Variants in CEL observed in about 807,000 individuals in gnomAD.
CEL encodes bile salt-activated lipase.
A neutral mutation model predicts 57.1 loss-of-function variants in CEL; 39 were observed. The observed-to-expected ratio is 0.68, with a 90% CI of 0.53 to 0.89. CEL has a LOEUF of 0.89. Ranked by LOEUF, CEL falls within the 40% of genes least tolerant of loss-of-function variation. CEL has a pLI of 0.00. For missense variants in CEL, 698 were observed against 915.0 expected, an observed-to-expected ratio of 0.76 and a Z score of 3.06; for synonymous variants, 314 against 396.6, an observed-to-expected ratio of 0.79 and a Z score of 2.48.
chr9:133,064,187 T>C (rs1830136855), intron 1 of CEL, among the ~76,000 whole-genome samples: 1 of 152,176 alleles, frequency 6.6e-6, no homozygotes, highest in Admixed American at 6.5e-5. Context: ...TCTAAGATTC[T>C]GGGAGCAGGA....
chr9:133,063,580 A>G (rs1482995143), intron 1 of CEL, among the ~76,000 whole-genome samples: 1 of 152,212 alleles, frequency 6.6e-6, no homozygotes, highest in Non-Finnish European at 1.5e-5. Context: ...CACCACGGGA[A>G]GAGGGAGCTG....
In CEL at chr9:133,066,858, G is replaced by C. The variant is rs1188123189; in HGVS notation, c.690G>C (p.Lys230Asn). ...CGTAGACCCTCTCCCCCTACAACAA[G>C]GGCCTCATCCGGCGAGCCATCAGCC... ...VSLQTLSPYN[K>N]GLIRRAISQS... The change falls in exon 6 of 11, where the codon AAG (lysine) becomes AAC (asparagine). Residue 230 changes from lysine to asparagine, a missense_variant. Around this residue, in one of 6 missense-constraint regions of CEL, gnomAD observed 327 missense variants for 374.1 expected, o/e 0.87. Coordinates refer to ENST00000372080, the MANE Select transcript of CEL (RefSeq NM_001807.6). This position sits in a 1 kb window ranked among gnomAD's most constrained non-coding sequence, Gnocchi z 4.3. 1.2e-6 allele frequency: 2 copies of C among 1,613,036 alleles called. No individual in the cohort carries two copies. Among genetic ancestry groups the C allele is most frequent in the Admixed American group, 3.3e-5 (2 of 59,930 alleles).
In CEL at chr9:133,071,691, ACT is replaced by A. The variant is rs755307495; in HGVS notation, c.2192_2193del (p.Ser731Ter). On this transcript the variant is annotated frameshift_variant, in exon 11 of 11. Coordinates refer to ENST00000372080, the MANE Select transcript of CEL (RefSeq NM_001807.6). LOFTEE classifies it high-confidence loss of function. Reference sequence around the variant, plus strand: ...GCCCCCCCTGTGCCCCCCACGGGTGACTCTGAGGCTGCCCCTGTGCCCCCCAC... The same window carrying A: ...GCCCCCCCTGTGCCCCCCACGGGTGACTGAGGCTGCCCCTGTGCCCCCCAC... The A allele has an allele frequency of 3.9e-5, 62 of 1,608,150 alleles. No individual in the cohort carries two copies. Among genetic ancestry groups the A allele is most frequent in the Non-Finnish European group, 4.9e-5 (58 of 1,177,092 alleles).
chr9:133,063,635 T>G (rs1454523691), intron 1 of CEL, among the ~76,000 whole-genome samples: 1 of 152,190 alleles, frequency 6.6e-6, no homozygotes, highest in Non-Finnish European at 1.5e-5. Context: ...GACAGCTGCT[T>G]CTCAACAGGG....
chr9:133,067,722 T>C (rs1484538718), intron 7 of CEL, among the ~76,000 whole-genome samples: 2 of 152,192 alleles, frequency 1.3e-5, no homozygotes, highest in African/African-American at 4.8e-5. Flanking sequence ...TTTGAGAAGC[T>C]GATGAACATT....
At chr9:133,064,923 G>A in intron 3 of CEL, 117 bp from the exon 4 acceptor site, 1 of 1,523,580 alleles carries the variant, frequency 6.6e-7, no homozygotes, top group Non-Finnish European at 9.0e-7. Context: ...GGGCAGGGCA[G>A]CGCCTTGGAG....
rs770211950 is a variant in CEL, at chr9:133,070,961, C to A, written c.1485-26C>A. On this transcript the variant is annotated intron_variant, in intron 10 of 10. Coordinates refer to ENST00000372080, the MANE Select transcript of CEL (RefSeq NM_001807.6). The stretch of plus-strand genomic sequence containing the variant: ...TCAGCCCCCTGGGAGTCCCCAGCCC[C>A]TGCACAGCCTCTTCTCACTCTGCAG... The A allele has an allele frequency of 1.2e-5, 20 of 1,612,022 alleles. No individual in the cohort carries two copies. The Admixed American group carries it at 3.0e-4, about 24-fold the overall frequency.
chr9:133,063,645 G>T (rs60782203), intron 1 of CEL, among the ~76,000 whole-genome samples: 1 of 152,208 alleles, frequency 6.6e-6, no homozygotes, highest in African/African-American at 2.4e-5. Flanking sequence ...TCTCAACAGG[G>T]TGACTTCAAG....
intron 7 of CEL, 43 bp downstream of exon 7, chr9:133,067,248 G>A (rs1253508442): frequency 8.4e-6 from 13 of 1,548,702 alleles, no homozygotes; most frequent in African/African-American, 1.4e-5. Context: ...TCGAGGTGGG[G>A]GTTGAGGGGG....
intron 1 of CEL, among the ~76,000 whole-genome samples, chr9:133,062,825 T>A (rs1279645401): frequency 6.6e-6 from 1 of 151,612 alleles, no homozygotes; most frequent in Non-Finnish European, 1.5e-5. Flanking sequence ...GCACAGCTGC[T>A]GCCTCCTATT....
intron 7 of CEL, among the ~76,000 whole-genome samples, chr9:133,068,344 G>C (rs1472140984): frequency 6.6e-6 from 1 of 152,150 alleles, no homozygotes; most frequent in African/African-American, 2.4e-5. Flanking sequence ...AAGAGAGAGA[G>C]GAGAGGGAGG....
chr9:133,064,823 C>T lies in CEL; in HGVS notation c.340+61C>T, dbSNP rs567056174. The T allele has an allele frequency of 1.3e-5, 21 of 1,610,894 alleles. 1 individual carries two copies. In the African/African-American group the frequency reaches 2.3e-4, roughly 17 times the overall value. On this transcript the variant is annotated intron_variant, in intron 3 of 10. Coordinates refer to ENST00000372080, the MANE Select transcript of CEL (RefSeq NM_001807.6). ...ATGCAGCCACTGCCCCGGGTCTACTCCTGGCTTGAGTCTGGGGGCTGCAAA... is the reference window on the plus strand; with the variant it reads ...ATGCAGCCACTGCCCCGGGTCTACTTCTGGCTTGAGTCTGGGGGCTGCAAA...
In CEL at chr9:133,071,003, G is replaced by C. The variant is rs202171778; in HGVS notation, c.1501G>C (p.Asp501His). 5,674 of 1,598,710 alleles carry C rather than the reference G, an allele frequency of 3.5e-3. 73 individuals carry two copies. Among genetic ancestry groups the C allele is most frequent in the African/African-American group, 3.2e-3 (223 of 70,672 alleles). The part of the protein sequence containing the change: ...FAKTGDPNMG[D>H]SAVPTHWEPY... The stretch of plus-strand genomic sequence containing the variant: ...ACTCTGCAGGGACCCCAACATGGGC[G>C]ACTCGGCTGTGCCCACACACTGGGA... The change falls in exon 11 of 11, where the codon GAC becomes CAC. Residue 501 changes from aspartate to histidine, a missense_variant. Physicochemically the swap from Asp to His is moderately conservative, Grantham distance 81. Coordinates refer to ENST00000372080, the MANE Select transcript of CEL (RefSeq NM_001807.6).
At chr9:133,067,648 C>T (rs1194772158) in intron 7 of CEL, among the ~76,000 whole-genome samples, 3 of 152,202 alleles carry the variant, frequency 2.0e-5, no homozygotes, top group East Asian at 3.8e-4. Flanking sequence ...GCTGGAATTA[C>T]AGGCGTGAGC....
Position 133,071,715 on chromosome 9 carries a change from C to G in CEL, c.2213C>G (p.Pro738Arg). The G allele has an allele frequency of 6.2e-7, 1 of 1,612,412 alleles. No homozygotes were observed. Among genetic ancestry groups the G allele is most frequent in the East Asian group, 2.2e-5 (1 of 44,856 alleles). The change falls in exon 11 of 11, where the codon CCC (proline) becomes CGC (arginine). Residue 738 changes from proline (P) to arginine (R), a missense_variant. This residue lies in a region of CEL where 238 missense variants were observed against 213.7 expected (regional missense o/e 1.11). Coordinates refer to ENST00000372080, the MANE Select transcript of CEL (RefSeq NM_001807.6). The stretch of plus-strand genomic sequence containing the variant: ...GACTCTGAGGCTGCCCCTGTGCCCC[C>G]CACAGATGACTCCAAGGAAGCTCAG... ...TGDSEAAPVP[P>R]TDDSKEAQMP...
In CEL at chr9:133,067,081, C is replaced by G. The variant is rs1306134526; in HGVS notation, c.778-7C>G. On this transcript the variant is annotated splice_region_variant and splice_polypyrimidine_tract_variant and intron_variant, in intron 6 of 10. Coordinates refer to ENST00000372080, the MANE Select transcript of CEL (RefSeq NM_001807.6). ...CACCTACCTGCTGGCCTTGGTTCTG[C>G]CCCCAGGTGGCTGAGAAGGTGGGTT... is the stretch of plus-strand genomic sequence containing the variant. 1 of 1,613,850 alleles carries G rather than the reference C, an allele frequency of 6.2e-7. No individual in the cohort carries two copies. The highest frequency in any genetic ancestry group is 8.5e-7 in the Non-Finnish European group (1 of 1,179,784).
chr9:133,063,623 C>T (rs776797482), intron 1 of CEL, among the ~76,000 whole-genome samples: 1 of 152,212 alleles, frequency 6.6e-6, no homozygotes, highest in Non-Finnish European at 1.5e-5. Flanking sequence ...GGCACTGGGG[C>T]AGACAGCTGC....
At position 133,066,976 on chromosome 9, in the gene CEL, T is replaced by TGGGGGGGGGGGGGGGGGGGG; in HGVS notation, c.777+36_777+37insGGGGGGGGGGGGGGGGGGGG. On this transcript the variant is annotated intron_variant, in intron 6 of 10. Coordinates refer to ENST00000372080, the MANE Select transcript of CEL (RefSeq NM_001807.6). This position sits in a 1 kb window ranked among gnomAD's most constrained non-coding sequence, Gnocchi z 4.3. Reference sequence around the variant, plus strand: ...CGGAGGAGGGCAGGGCTGGGCGGGGTGGGGGCTGTCCACATTTCCGTTCTT... The same window carrying TGGGGGGGGGGGGGGGGGGGG: ...CGGAGGAGGGCAGGGCTGGGCGGGGTGGGGGGGGGGGGGGGGGGGGGGGGGCTGTCCACATTTCCGTTCTT... The TGGGGGGGGGGGGGGGGGGGG allele has an allele frequency of 5.3e-6, 4 of 753,360 alleles. No individual in the cohort carries two copies. The highest frequency in any genetic ancestry group is 8.8e-6 in the Non-Finnish European group (4 of 453,950). The allele number at this position is 753,360 out of a possible 1,614,324, so 46.7% of individuals were successfully genotyped here. A position where few individuals can be genotyped will look rare whatever the true frequency, so the allele number is the denominator to read the frequency against.
intron 7 of CEL, among the ~76,000 whole-genome samples, chr9:133,067,851 A>G (rs528448626): frequency 2.8e-4 from 42 of 152,278 alleles, no homozygotes; most frequent in Middle Eastern, 3.4e-3. Flanking sequence ...TCATTCGTTC[A>G]TTCATTCAGC....
Sources: allele counts gnomAD v4.1 joint callset (sites outside exome capture counted in the v4.1 genomes callset), GRCh38; gene constraint gnomAD v4.1.1; regional missense constraint gnomAD v4.1.1; non-coding constraint Gnocchi (gnomAD v3.1); transcripts MANE v1.5; gene names NCBI Gene and HGNC (gene_info 2026-07-23, HGNC 2026-07-21).